WNK1: variants seen among roughly 807,000 people sequenced by gnomAD.
WNK1 encodes serine/threonine-protein kinase WNK1.
In WNK1, 38 loss-of-function variants were observed where a neutral mutation model predicts 222.8. The observed-to-expected ratio is 0.17, with a 90% CI of 0.13 to 0.22. The LOEUF (loss-of-function observed/expected upper bound fraction) is 0.22. Ranked by LOEUF, WNK1 falls within the 10% of genes least tolerant of loss-of-function variation. The pLI, the probability that WNK1 is intolerant of heterozygous loss-of-function variation, is 1.00. For missense variants in WNK1, 2,348 were observed against 2,918.4 expected (o/e 0.80, Z 4.50); for synonymous variants, 1,090 against 1,092.9 (o/e 1.00, Z 0.05).
chr12:811,506 A>T (rs1946902951), intron 1 of WNK1, among the ~76,000 whole-genome samples: 1 of 152,180 alleles, frequency 6.6e-6, no homozygotes, highest in Non-Finnish European at 1.5e-5. Context: ...TTCGTCTCAC[A>T]ACATTTTTCT....
At chr12:794,049 T>G (rs1945086059) in intron 1 of WNK1, among the ~76,000 whole-genome samples, 1 of 152,160 alleles carries the variant, frequency 6.6e-6, no homozygotes, top group Non-Finnish European at 1.5e-5. Context: ...TTTCACTCAG[T>G]GTAATGTTTT....
rs1046075989 is a variant in WNK1, at chr12:904,577, T to C, written c.6644-3270T>C. The C allele has an allele frequency of 1.7e-5, 15 of 904,046 alleles. No individual in the cohort carries two copies. In the African/African-American group the frequency reaches 2.6e-4, roughly 16 times the overall value. The allele number at this position is 904,046 out of a possible 1,614,324, so 56.0% of individuals were successfully genotyped here. ...TCTTTCAACTCTGCAGTCTCATAGCTCCCTGATTCCTAACTTCCATCTATC... is the reference window on the plus strand; with the variant it reads ...TCTTTCAACTCTGCAGTCTCATAGCCCCCTGATTCCTAACTTCCATCTATC... On this transcript the variant is annotated intron_variant, in intron 26 of 27. Coordinates refer to ENST00000315939, the MANE Select transcript of WNK1 (RefSeq NM_018979.4).
intron 1 of WNK1, among the ~76,000 whole-genome samples, chr12:762,820 C>T (rs1297877579): frequency 1.4e-5 from 2 of 146,468 alleles, no homozygotes; most frequent in East Asian, 3.9e-4. Flanking sequence ...GATCTCGGCT[C>T]ACCACAACAT....
intron 1 of WNK1, among the ~76,000 whole-genome samples, chr12:785,216 G>T (rs1381428085): frequency 1.3e-5 from 2 of 151,970 alleles, no homozygotes; most frequent in Admixed American, 6.6e-5. Context: ...ATGTGCCTTG[G>T]TATGGGTCTC....
At position 827,520 on chromosome 12, in the gene WNK1, TTTGTTGTTG is replaced by T. The variant is rs67260587; in HGVS notation, c.1153+277_1153+285del. 25 of 471,660 alleles carry T rather than the reference TTTGTTGTTG, an allele frequency of 5.3e-5. No homozygotes were observed. The highest frequency in any genetic ancestry group is 7.6e-5 in the Non-Finnish European group (20 of 263,756). 29.2% of individuals were successfully genotyped at this position (471,660 alleles called of 1,614,324 possible). A position where few individuals can be genotyped will look rare whatever the true frequency, so the allele number is the denominator to read the frequency against. On this transcript the variant is annotated intron_variant, in intron 3 of 27. Coordinates refer to ENST00000315939, the MANE Select transcript of WNK1 (RefSeq NM_018979.4). The surrounding 1 kb of genome is among the most constrained non-coding windows in gnomAD (Gnocchi z 4.6). ...GATAAAACCTAATGTAATAGCCTTT[TTTGTTGTTG>T]TTGTTGTTGTTGTTGTTGAGATGGA...
chr12:825,664 G>C (rs1294710629), intron 2 of WNK1, among the ~76,000 whole-genome samples: 1 of 152,116 alleles, frequency 6.6e-6, no homozygotes, highest in African/African-American at 2.4e-5. Flanking sequence ...AATGTTAACA[G>C]TATAGAAAAT....
rs190888985 is a variant in WNK1, at chr12:895,030, T to C, written c.5583+395T>C. ...CCAGTCTCTATCATCATTTCTCATTTTTCCAACATAATAAGTTAAGTAACA... is the reference window on the plus strand; with the variant it reads ...CCAGTCTCTATCATCATTTCTCATTCTTCCAACATAATAAGTTAAGTAACA... On this transcript the variant is annotated intron_variant, in intron 23 of 27. Transcript: ENST00000315939. Among the ~76,000 whole-genome samples the C allele has an allele frequency of 1.1e-4, 17 of 148,492 alleles. No individual in the cohort carries two copies. The East Asian group carries it at 3.1e-3, about 27-fold the overall frequency.
chr12:892,120 C>G (rs573003196), intron 22 of WNK1, among the ~76,000 whole-genome samples: 4 of 147,880 alleles, frequency 2.7e-5, no homozygotes, highest in Non-Finnish European at 5.9e-5. Context: ...TACATGTGCA[C>G]AACGTGCAGG....
At chr12:848,906 C>T (rs1950223008) in intron 4 of WNK1, among the ~76,000 whole-genome samples, 1 of 151,970 alleles carries the variant, frequency 6.6e-6, no homozygotes, top group South Asian at 2.1e-4. Context: ...CTCCTCAAGC[C>T]CCCCAAAGCC....
chr12:753,404 G>C lies in WNK1; in HGVS notation c.-162G>C. 1.1e-6 allele frequency: 1 copy of C among 910,358 alleles called. No individual in the cohort carries two copies. The highest frequency in any genetic ancestry group is 1.6e-6 in the Non-Finnish European group (1 of 609,210). The allele number at this position is 910,358 out of a possible 1,614,324, so 56.4% of individuals were successfully genotyped here. A position where few individuals can be genotyped will look rare whatever the true frequency, so the allele number is the denominator to read the frequency against. ...CGCAGCTGGGCCCAGCGGTCCGCCT[G>C]TCCCTCGTTGCGGCTTGTCGGTGCT... On this transcript the variant is annotated 5_prime_UTR_variant, in exon 1 of 28. Coordinates refer to ENST00000315939, the MANE Select transcript of WNK1 (RefSeq NM_018979.4). The surrounding 1 kb of genome is among the most constrained non-coding windows in gnomAD (Gnocchi z 5.2).
intron 25 of WNK1, among the ~76,000 whole-genome samples, chr12:900,178 G>A (rs987892963): frequency 2.0e-5 from 3 of 151,990 alleles, no homozygotes; most frequent in African/African-American, 7.3e-5. Flanking sequence ...TAGAGACAGG[G>A]TTTCATCATG....
intron 26 of WNK1, chr12:900,893 A>C: frequency 3.2e-6 from 2 of 620,298 alleles, no homozygotes; most frequent in South Asian, 3.6e-5. Flanking sequence ...AATTACAGTG[A>C]AAAGTTACAT....
intron 2 of WNK1, among the ~76,000 whole-genome samples, chr12:824,259 A>G (rs61916751): frequency 0.12 from 17,668 of 144,236 alleles, 1,345 homozygotes; most frequent in Middle Eastern, 0.2. Flanking sequence ...GATGGTGCCT[A>G]ATTGTCACTT....
chr12:795,899 C>G (rs1945274350), intron 1 of WNK1, among the ~76,000 whole-genome samples: 1 of 151,968 alleles, frequency 6.6e-6, no homozygotes, highest in Non-Finnish European at 1.5e-5. Flanking sequence ...TCTCCTTCTT[C>G]TTTTTGAGAC....
intron 8 of WNK1, among the ~76,000 whole-genome samples, chr12:866,223 A>G (rs1951654785): frequency 6.6e-6 from 1 of 152,218 alleles, no homozygotes; most frequent in African/African-American, 2.4e-5. Context: ...ATTCTGACTG[A>G]AAATAGAAAT....
chr12:881,132 C>G, intron 12 of WNK1, 133 bp downstream of exon 12: 1 of 1,172,288 alleles, frequency 8.5e-7, no homozygotes, highest in Non-Finnish European at 1.2e-6. Context: ...TTCTGCATGA[C>G]TTTTTCTTAC....
At chr12:851,624 G>C (rs1950425376) in intron 4 of WNK1, 1 of 1,277,620 alleles carries the variant, frequency 7.8e-7, no homozygotes, top group South Asian at 1.3e-5. Flanking sequence ...TTATGCTGTG[G>C]GCTGATGTAC....
At position 885,202 on chromosome 12, in the gene WNK1, C is replaced by G; in HGVS notation, c.4398C>G (p.Thr1466=). The G allele has an allele frequency of 6.2e-7, 1 of 1,614,136 alleles. No individual in the cohort carries two copies. Among genetic ancestry groups the G allele is most frequent in the Non-Finnish European group, 8.5e-7 (1 of 1,180,020 alleles). The change falls in exon 19 of 28, where the codon ACC becomes ACG. Residue 1466 remains threonine (T), a synonymous_variant. Transcript: ENST00000315939. ...TSASAGGSTA[T]PGPKPPAVVS... Reference sequence around the variant, plus strand: ...CCTCTGCAGGGGGCAGTACTGCTACCCCAGGTCCTAAGCCTCCAGCTGTAG... The same window carrying G: ...CCTCTGCAGGGGGCAGTACTGCTACGCCAGGTCCTAAGCCTCCAGCTGTAG...
At position 833,370 on chromosome 12, in the gene WNK1, G is replaced by A. The variant is rs1042246223; in HGVS notation, c.1311+3210G>A. ...AAGATACCAGTTTGCTGATATCAGAGCAAGTACAAATTCTTAATCTTTGCT... is the reference window on the plus strand; with the variant it reads ...AAGATACCAGTTTGCTGATATCAGAACAAGTACAAATTCTTAATCTTTGCT... On this transcript the variant is annotated intron_variant, in intron 4 of 27. Transcript: ENST00000315939. Among the ~76,000 whole-genome samples the A allele has an allele frequency of 2.0e-5, 3 of 152,180 alleles. No homozygotes were observed. The South Asian group carries it at 6.2e-4, about 32-fold the overall frequency.
Sources: gnomAD v4.1 joint callset for allele counts (sites outside exome capture counted in the v4.1 genomes callset) on GRCh38, gnomAD v4.1.1 for gene constraint, Gnocchi (gnomAD v3.1) non-coding constraint, MANE v1.5 for transcripts, NCBI Gene and HGNC (gene_info 2026-07-23, HGNC 2026-07-21) for gene names.